CDIN1: variants seen among roughly 807,000 people sequenced by gnomAD.
CDIN1 encodes CDAN1-interacting nuclease 1.
Under a neutral mutation model 45.3 loss-of-function variants are expected in CDIN1, and 33 were observed. The observed-to-expected ratio is 0.73, with a 90% CI of 0.55 to 0.97. The LOEUF (loss-of-function observed/expected upper bound fraction) is 0.97. CDIN1 is among the 50% of genes least tolerant of loss of function. CDIN1 has a pLI of 0.00. For missense variants in CDIN1, 303 were observed against 339.4 expected (o/e 0.89, Z 0.84); for synonymous variants, 118 against 124.4 (o/e 0.95, Z 0.34).
chr15:36,653,820 T>C (rs2040669513), intron 3 of CDIN1, among the ~76,000 whole-genome samples: 1 of 152,206 alleles, frequency 6.6e-6, no homozygotes, highest in Non-Finnish European at 1.5e-5. Flanking sequence ...TAGTTCCTCT[T>C]GTTCACTTTA....
At chr15:36,584,585 C>T (rs2037205079) in intron 1 of CDIN1, among the ~76,000 whole-genome samples, 1 of 152,136 alleles carries the variant, frequency 6.6e-6, no homozygotes, top group Non-Finnish European at 1.5e-5. Context: ...CATTTATTCA[C>T]TTATTCATTC....
intron 1 of CDIN1, among the ~76,000 whole-genome samples, chr15:36,620,272 C>T (rs537935499): frequency 6.6e-6 from 1 of 151,958 alleles, no homozygotes; most frequent in Non-Finnish European, 1.5e-5. Flanking sequence ...AATGGCGTGA[C>T]ACCGGGGGGC....
At chr15:36,754,790 TTA>T (rs1412871925) in intron 10 of CDIN1, among the ~76,000 whole-genome samples, 1 of 152,076 alleles carries the variant, frequency 6.6e-6, no homozygotes, top group Non-Finnish European at 1.5e-5. Flanking sequence ...GTATTAACAA[TTA>T]TAGTACCTGA....
intron 5 of CDIN1, among the ~76,000 whole-genome samples, chr15:36,687,514 A>G (rs2042103592): frequency 2.6e-5 from 4 of 152,202 alleles, no homozygotes; most frequent in Admixed American, 2.6e-4. Flanking sequence ...AATTTAACAG[A>G]AAACCTTTAT....
chr15:36,754,423 A>T (rs1007990039), intron 10 of CDIN1, among the ~76,000 whole-genome samples: 2 of 152,260 alleles, frequency 1.3e-5, no homozygotes, highest in Non-Finnish European at 2.9e-5. Flanking sequence ...AGGATTGCTT[A>T]TGCAGTAGGA....
intron 1 of CDIN1, among the ~76,000 whole-genome samples, chr15:36,633,393 T>A (rs2039761069): frequency 6.6e-6 from 1 of 152,214 alleles, no homozygotes; most frequent in Non-Finnish European, 1.5e-5. Context: ...ATCAGTCTCA[T>A]ATTTCTTTTA....
At chr15:36,657,238 GT>G (rs2040817964) in intron 4 of CDIN1, among the ~76,000 whole-genome samples, 1 of 151,954 alleles carries the variant, frequency 6.6e-6, no homozygotes, top group Admixed American at 6.5e-5. Flanking sequence ...ATATTATATT[GT>G]TGTAATTTAT....
intron 7 of CDIN1, among the ~76,000 whole-genome samples, chr15:36,692,926 T>C (rs985533660): frequency 1.3e-5 from 2 of 152,162 alleles, no homozygotes; most frequent in Admixed American, 6.5e-5. Flanking sequence ...AAGGTGCTAT[T>C]TAAATGGTAA....
intron 8 of CDIN1, among the ~76,000 whole-genome samples, chr15:36,699,491 T>C (rs183445200): frequency 3.5e-4 from 54 of 152,328 alleles, no homozygotes; most frequent in Non-Finnish European, 6.3e-4. Context: ...ATGTTTAATT[T>C]ATTTTGATCC....
At chr15:36,632,143 G>A (rs1487944689) in intron 1 of CDIN1, among the ~76,000 whole-genome samples, 1 of 152,118 alleles carries the variant, frequency 6.6e-6, no homozygotes. Flanking sequence ...CCATAACTCT[G>A]TATTTAGTAT....
intron 7 of CDIN1, among the ~76,000 whole-genome samples, chr15:36,692,706 G>A (rs955976466): frequency 6.6e-6 from 1 of 152,096 alleles, no homozygotes; most frequent in African/African-American, 2.4e-5. Context: ...CATTTTTAGA[G>A]AAATCAAGTT....
intron 10 of CDIN1, among the ~76,000 whole-genome samples, chr15:36,757,693 C>T (rs1452000612): frequency 6.6e-6 from 1 of 152,114 alleles, no homozygotes; most frequent in Non-Finnish European, 1.5e-5. Flanking sequence ...CTGCTCCTGA[C>T]ATCTAGACAT....
At chr15:36,753,927 A>C in intron 10 of CDIN1, among the ~76,000 whole-genome samples, 1 of 152,050 alleles carries the variant, frequency 6.6e-6, no homozygotes, top group East Asian at 1.9e-4. Context: ...AATTGGAAGA[A>C]GAGGAGGAGC....
At chr15:36,725,391 A>G (rs959102960) in intron 10 of CDIN1, among the ~76,000 whole-genome samples, 27 of 152,132 alleles carry the variant, frequency 1.8e-4, no homozygotes, top group African/African-American at 6.5e-4. Flanking sequence ...TAATTAAAAA[A>G]TAAAATTAGT....
chr15:36,659,877 G>A (rs1352572424), intron 5 of CDIN1, among the ~76,000 whole-genome samples: 1 of 151,146 alleles, frequency 6.6e-6, no homozygotes, highest in Non-Finnish European at 1.5e-5. Context: ...TTAATGCCAG[G>A]TTATAGAAGT....
chr15:36,585,100 C>A (rs1435475589), intron 1 of CDIN1, among the ~76,000 whole-genome samples: 1 of 152,170 alleles, frequency 6.6e-6, no homozygotes, highest in Non-Finnish European at 1.5e-5. Flanking sequence ...TAATTTCCTG[C>A]CCAAACACTA....
At chr15:36,613,123 G>A (rs1316703898) in intron 1 of CDIN1, among the ~76,000 whole-genome samples, 2 of 152,174 alleles carry the variant, frequency 1.3e-5, no homozygotes, top group South Asian at 2.1e-4. Context: ...AAACATCTCC[G>A]TTAGCAATGG....
intron 5 of CDIN1, among the ~76,000 whole-genome samples, chr15:36,686,477 T>A (rs1244929205): frequency 6.7e-6 from 1 of 148,638 alleles, no homozygotes; most frequent in East Asian, 2.0e-4. Flanking sequence ...AGTTAGTGGG[T>A]GCAGTGCACC....
intron 10 of CDIN1, among the ~76,000 whole-genome samples, chr15:36,741,137 T>C (rs11853534): frequency 0.31 from 46,681 of 151,872 alleles, 7,406 homozygotes; most frequent in East Asian, 0.4. Context: ...CTGGGCTATC[T>C]CCTACACTTT....
Sources: gnomAD v4.1 joint callset for allele counts (sites outside exome capture counted in the v4.1 genomes callset) on GRCh38, gnomAD v4.1.1 for gene constraint, MANE v1.5 for transcripts, NCBI Gene and HGNC (gene_info 2026-07-23, HGNC 2026-07-21) for gene names.